The following RYR3 variants were observed in gnomAD, a reference collection of about 807,000 sequenced individuals.
RYR3 encodes the protein ryanodine receptor 3, also known as brain ryanodine receptor-calcium release channel.
A neutral mutation model predicts 584.3 loss-of-function variants in RYR3; 207 were observed. The observed-to-expected ratio is 0.35, with a 90% CI of 0.32 to 0.40. The LOEUF is 0.40. Among genes scored for constraint, RYR3 ranks in the 10% least tolerant of loss-of-function variants. RYR3 has a pLI of 1.00. For missense variants in RYR3, 5,616 were observed against 6,089.2 expected (o/e 0.92, Z 2.59); for synonymous variants, 2,416 against 2,248.5 (o/e 1.07, Z -2.11).
At chr15:33,595,209 A>G (rs1455898824) in intron 16 of RYR3, among the ~76,000 whole-genome samples, 2 of 152,224 alleles carry the variant, frequency 1.3e-5, no homozygotes, top group East Asian at 1.9e-4. Flanking sequence ...AAGCATTTCA[A>G]AAAGTGAAAA....
At chr15:33,588,733 T>C (rs1043205292) in intron 16 of RYR3, among the ~76,000 whole-genome samples, 1 of 152,246 alleles carries the variant, frequency 6.6e-6, no homozygotes, top group Non-Finnish European at 1.5e-5. Context: ...ATTATTTCAC[T>C]TAAAATTATA....
intron 19 of RYR3, among the ~76,000 whole-genome samples, chr15:33,622,667 G>T (rs950226379): frequency 1.3e-5 from 2 of 152,248 alleles, no homozygotes; most frequent in East Asian, 3.9e-4. Flanking sequence ...GCAGGGGAAT[G>T]AATGTTGTAC....
chr15:33,512,996 A>C (rs1567414219), intron 3 of RYR3, among the ~76,000 whole-genome samples: 1 of 152,232 alleles, frequency 6.6e-6, no homozygotes, highest in Non-Finnish European at 1.5e-5. Flanking sequence ...GGTTGTAAAA[A>C]TGAATTTCAG....
At chr15:33,434,368 G>A (rs2045473596) in intron 1 of RYR3, among the ~76,000 whole-genome samples, 1 of 152,046 alleles carries the variant, frequency 6.6e-6, no homozygotes, top group South Asian at 2.1e-4. Context: ...GCTGCAAGAG[G>A]TTTTGTCATT....
At chr15:33,683,444 A>T (rs996715517) in intron 38 of RYR3, among the ~76,000 whole-genome samples, 1 of 152,206 alleles carries the variant, frequency 6.6e-6, no homozygotes, top group African/African-American at 2.4e-5. Context: ...TATGAAAGAG[A>T]TTCATGTATA....
At chr15:33,349,866 T>C (rs1973009159) in intron 1 of RYR3, among the ~76,000 whole-genome samples, 1 of 151,804 alleles carries the variant, frequency 6.6e-6, no homozygotes, top group African/African-American at 2.4e-5. Context: ...GTTCTTGGGA[T>C]AGTTTACTGA....
intron 70 of RYR3, among the ~76,000 whole-genome samples, chr15:33,809,330 T>C (rs1211764665): frequency 6.6e-6 from 1 of 152,174 alleles, no homozygotes; most frequent in Non-Finnish European, 1.5e-5. Flanking sequence ...AAAGCTTTGG[T>C]GAGCACCGCT....
At chr15:33,770,142 A>G (rs1484753090) in intron 62 of RYR3, among the ~76,000 whole-genome samples, 1 of 151,882 alleles carries the variant, frequency 6.6e-6, no homozygotes, top group South Asian at 2.1e-4. Context: ...AAAGAAAGAA[A>G]CGTCTTTATC....
chr15:33,559,543 A>G (rs1036869732), intron 10 of RYR3, among the ~76,000 whole-genome samples: 2 of 152,184 alleles, frequency 1.3e-5, no homozygotes, highest in African/African-American at 4.8e-5. Flanking sequence ...AGGCAAGGCA[A>G]GGCTGGGGTA....
chr15:33,759,663 G>A (rs1338535013), intron 60 of RYR3, among the ~76,000 whole-genome samples: 1 of 152,270 alleles, frequency 6.6e-6, no homozygotes, highest in East Asian at 1.9e-4. Context: ...CCAAACCTAC[G>A]TTTGATTGGT....
chr15:33,545,495 G>GA lies in RYR3; in HGVS notation c.740+1789dup, dbSNP rs113412086. On this transcript the variant is annotated intron_variant, in intron 8 of 103. Coordinates refer to ENST00000634891, the MANE Select transcript of RYR3 (RefSeq NM_001036.6). ...TTCATAGGCTCTAATTTGTGTTTTG[G>GA]AAAAAAAAATCATCAAACAAAATAA... 1.3e-3 allele frequency among the ~76,000 whole-genome samples: 189 copies of GA among 150,634 alleles called. 1 individual carries two copies. The highest frequency in any genetic ancestry group is 3.4e-3 in the Middle Eastern group (1 of 292).
At chr15:33,546,729 A>G (rs1310588049) in intron 8 of RYR3, among the ~76,000 whole-genome samples, 1 of 152,226 alleles carries the variant, frequency 6.6e-6, no homozygotes, top group Non-Finnish European at 1.5e-5. Flanking sequence ...TCACACAGCT[A>G]CCAGATTCAA....
chr15:33,759,824 A>T (rs1417677979), intron 60 of RYR3, among the ~76,000 whole-genome samples: 1 of 152,192 alleles, frequency 6.6e-6, no homozygotes, highest in Non-Finnish European at 1.5e-5. Context: ...GAGAAGAGCA[A>T]CCCCAAGGAA....
intron 1 of RYR3, among the ~76,000 whole-genome samples, chr15:33,336,469 A>AAG (rs1567046793): frequency 8.5e-5 from 2 of 23,492 alleles, no homozygotes; most frequent in Admixed American, 3.7e-4. Context: ...AGAGAGAGAG[A>AAG]GAGAGAGAGA....
At chr15:33,609,161 C>T (rs893846548) in intron 18 of RYR3, among the ~76,000 whole-genome samples, 2 of 152,192 alleles carry the variant, frequency 1.3e-5, no homozygotes, top group African/African-American at 4.8e-5. Context: ...CATTAAAGAA[C>T]CTTGGAATTT....
intron 1 of RYR3, among the ~76,000 whole-genome samples, chr15:33,355,998 G>T (rs1332017974): frequency 6.6e-6 from 1 of 152,212 alleles, no homozygotes; most frequent in African/African-American, 2.4e-5. Context: ...GAGACCTTCA[G>T]CTGTAGGACA....
intron 1 of RYR3, among the ~76,000 whole-genome samples, chr15:33,428,003 C>T (rs2141688995): frequency 6.6e-6 from 1 of 152,330 alleles, no homozygotes; most frequent in Admixed American, 6.5e-5. Context: ...TCTGACCTGA[C>T]CTCTTCTCCC....
At chr15:33,667,689 C>T (rs1272163071) in intron 36 of RYR3, among the ~76,000 whole-genome samples, 2 of 152,176 alleles carry the variant, frequency 1.3e-5, no homozygotes, top group East Asian at 3.9e-4. Flanking sequence ...TTATTTTGTG[C>T]ATTTAAAATA....
At chr15:33,861,333 C>G (rs1256414670) in intron 102 of RYR3, among the ~76,000 whole-genome samples, 155 bp downstream of exon 102, 1 of 152,138 alleles carries the variant, frequency 6.6e-6, no homozygotes, top group Non-Finnish European at 1.5e-5. Flanking sequence ...CTCTGTCTCT[C>G]CCATGTGTGA....
Sources: gnomAD v4.1 joint callset for allele counts (sites outside exome capture counted in the v4.1 genomes callset) on GRCh38, gnomAD v4.1.1 for gene constraint, MANE v1.5 for transcripts, NCBI Gene and HGNC (gene_info 2026-07-23, HGNC 2026-07-21) for gene names.